The following IQSEC1 variants were observed in gnomAD, a reference collection of about 807,000 sequenced individuals.
IQSEC1 encodes the protein IQ motif and Sec7 domain ArfGEF 1.
A neutral mutation model predicts 91.0 loss-of-function variants in IQSEC1; 31 were observed. The observed-to-expected ratio is 0.34, with a 90% CI of 0.26 to 0.46. The LOEUF (loss-of-function observed/expected upper bound fraction) is 0.46. IQSEC1 is among the 20% of genes least tolerant of loss of function. The probability of loss-of-function intolerance (pLI) is 1.00; values close to 1 mark genes in which losing one functional copy is unlikely to be tolerated. For synonymous variants in IQSEC1, 699 were observed against 662.6 expected, an observed-to-expected ratio of 1.05 and a Z score of -0.84; for missense variants, 1,388 against 1,575.6, an observed-to-expected ratio of 0.88 and a Z score of 2.02.
At chr3:13,021,586 T>C (rs1177957215) in intron 1 of IQSEC1, among the ~76,000 whole-genome samples, 2 of 152,226 alleles carry the variant, frequency 1.3e-5, no homozygotes, top group African/African-American at 4.8e-5. Flanking sequence ...CTGGGCAGCC[T>C]GGTGTCTGAG....
At chr3:13,060,724 G>A (rs1262093601) in intron 1 of IQSEC1, among the ~76,000 whole-genome samples, 1 of 152,190 alleles carries the variant, frequency 6.6e-6, no homozygotes, top group Non-Finnish European at 1.5e-5. Context: ...TGCCCCCGGC[G>A]GGGCTCCAGG....
rs111916232 is a variant in IQSEC1, at chr3:13,270,087, G to A, written c.272+12624C>T. Reference sequence around the variant, plus strand: ...CTCCCAGACACCTCCACAAGGTGCCGGATGTGTGAGTGAAGTCGTTTTGGA... The same window carrying A: ...CTCCCAGACACCTCCACAAGGTGCCAGATGTGTGAGTGAAGTCGTTTTGGA... On this transcript the variant is annotated intron_variant, in intron 1 of 15. Coordinates refer to the IQSEC1 transcript ENST00000648114. Among the ~76,000 whole-genome samples the A allele has an allele frequency of 2.8e-3, 419 of 152,234 alleles. 1 individual carries two copies. The highest frequency in any genetic ancestry group is 9.7e-3 in the African/African-American group (402 of 41,530).
At chr3:12,930,222 T>C (rs1182431639) in intron 3 of IQSEC1, among the ~76,000 whole-genome samples, 1 of 152,218 alleles carries the variant, frequency 6.6e-6, no homozygotes, top group African/African-American at 2.4e-5. Flanking sequence ...CTATGTTGTC[T>C]AGACTGGCCT....
rs189854389 is a variant in IQSEC1 at position 13,252,622 on chromosome 3, C to T, written c.272+30089G>A. Among the ~76,000 whole-genome samples, 203 of 152,314 alleles carry T rather than the reference C, an allele frequency of 1.3e-3. 1 individual carries two copies. In the Middle Eastern group the frequency reaches 0.014, roughly 10 times the overall value. ...TTAATTTTTTGAGGAACCACCACAA[C>T]GTTTCCACAGTGGCGGCACCATTTA... is the stretch of plus-strand genomic sequence containing the variant. On this transcript the variant is annotated intron_variant, in intron 1 of 15. Transcript: ENST00000648114.
chr3:13,202,144 A>C (rs968867245), intron 1 of IQSEC1, among the ~76,000 whole-genome samples: 2 of 152,212 alleles, frequency 1.3e-5, no homozygotes, highest in African/African-American at 4.8e-5. Context: ...CTATCAAAAA[A>C]CAGATGCTAA....
chr3:13,045,410 G>A (rs1704457837), intron 1 of IQSEC1, among the ~76,000 whole-genome samples: 3 of 152,230 alleles, frequency 2.0e-5, no homozygotes, highest in Non-Finnish European at 4.4e-5. Context: ...GACACCCGCA[G>A]GTGCTCAGGA....
chr3:12,971,388 G>A (rs975221974), intron 1 of IQSEC1, among the ~76,000 whole-genome samples: 8 of 152,190 alleles, frequency 5.3e-5, no homozygotes, highest in Admixed American at 2.6e-4. Flanking sequence ...GCACATAGAG[G>A]CATGCCCAAG....
chr3:13,247,775 ACACCCCCCAGC>A (rs951746530), intron 1 of IQSEC1, among the ~76,000 whole-genome samples: 13 of 151,962 alleles, frequency 8.6e-5, no homozygotes, highest in Middle Eastern at 6.8e-3. Flanking sequence ...TGGGCTGTTG[ACACCCCCCAGC>A]CACCTCCCAG....
chr3:12,988,225 C>T (rs1008506890), intron 1 of IQSEC1, among the ~76,000 whole-genome samples: 5 of 152,152 alleles, frequency 3.3e-5, no homozygotes, highest in African/African-American at 1.2e-4. Flanking sequence ...ACTAGCTTGG[C>T]TAACATGGCA....
intron 1 of IQSEC1, among the ~76,000 whole-genome samples, chr3:13,048,683 C>T (rs570557872): frequency 7.0e-4 from 107 of 152,358 alleles, no homozygotes; most frequent in Non-Finnish European, 9.1e-4. Context: ...GACCTTCCTT[C>T]CCGTGTCCCA....
upstream of IQSEC1, among the ~76,000 whole-genome samples, chr3:13,076,264 C>A (rs1459660281): frequency 2.0e-5 from 3 of 152,152 alleles, no homozygotes; most frequent in Non-Finnish European, 4.4e-5. Flanking sequence ...CGTTTTCATC[C>A]CCTGGAGTTT....
At chr3:13,158,894 G>A (rs985684462) in intron 2 of IQSEC1, among the ~76,000 whole-genome samples, 2 of 152,068 alleles carry the variant, frequency 1.3e-5, no homozygotes, top group Admixed American at 6.5e-5. Flanking sequence ...CCCAGGAGGC[G>A]GAGGTTGCAG....
At chr3:13,100,775 G>A (rs552473428) in intron 2 of IQSEC1, among the ~76,000 whole-genome samples, 2 of 148,874 alleles carry the variant, frequency 1.3e-5, no homozygotes, top group Non-Finnish European at 1.5e-5. Flanking sequence ...TCTGGGCCAT[G>A]GGGATTGAGC....
chr3:13,141,217 T>C (rs971186544), intron 2 of IQSEC1, among the ~76,000 whole-genome samples: 1 of 152,150 alleles, frequency 6.6e-6, no homozygotes, highest in Admixed American at 6.5e-5. Context: ...GAAGCCAATT[T>C]GGTTTTCCAT....
At chr3:13,150,062 C>T (rs1706968629) in intron 2 of IQSEC1, among the ~76,000 whole-genome samples, 1 of 152,164 alleles carries the variant, frequency 6.6e-6, no homozygotes. Context: ...CCCTATTACA[C>T]CTCAAATTTT....
At chr3:13,015,996 C>T (rs539812724) in intron 1 of IQSEC1, among the ~76,000 whole-genome samples, 21 of 152,344 alleles carry the variant, frequency 1.4e-4, no homozygotes, top group Non-Finnish European at 1.8e-4. Context: ...TGCACTGTCA[C>T]GGAGGGCCAG....
In IQSEC1 at chr3:13,032,231, A is replaced by G. The variant is rs141734951; in HGVS notation, c.23+40761T>C. 2.7e-3 allele frequency among the ~76,000 whole-genome samples: 418 copies of G among 152,352 alleles called. 3 individuals are homozygous for G. The highest frequency in any genetic ancestry group is 9.2e-3 in the African/African-American group (384 of 41,590). ...TAATCACGGTTCCACTTTCAAAATG[A>G]GGGCACTGACACTGACTCGGTACTA... On this transcript the variant is annotated intron_variant, in intron 1 of 13. Coordinates refer to ENST00000613206, the MANE Select transcript of IQSEC1 (RefSeq NM_001134382.3).
At chr3:13,013,287 C>T (rs1702974453) in intron 1 of IQSEC1, among the ~76,000 whole-genome samples, 1 of 152,184 alleles carries the variant, frequency 6.6e-6, no homozygotes, top group Non-Finnish European at 1.5e-5. Context: ...TTCAATGCTC[C>T]CACACGCTGA....
intron 1 of IQSEC1, among the ~76,000 whole-genome samples, chr3:13,250,944 T>C (rs1187876611): frequency 1.3e-5 from 2 of 152,172 alleles, no homozygotes; most frequent in African/African-American, 4.8e-5. Flanking sequence ...CAGGTCCCCA[T>C]CGCTCCTCCT....
Sources: gnomAD v4.1 joint callset for allele counts (sites outside exome capture counted in the v4.1 genomes callset) on GRCh38, gnomAD v4.1.1 for gene constraint, MANE v1.5 for transcripts, NCBI Gene and HGNC (gene_info 2026-07-23, HGNC 2026-07-21) for gene names.